Variants in DTL observed in about 807,000 individuals in gnomAD.
DTL encodes the protein denticleless protein homolog.
In DTL, 46 loss-of-function variants were observed where a neutral mutation model predicts 87.0. The observed-to-expected ratio is 0.53, with a 90% CI of 0.42 to 0.68. DTL has a LOEUF of 0.68. Among genes scored for constraint, DTL ranks in the 30% least tolerant of loss-of-function variants. The probability of loss-of-function intolerance (pLI) is 0.00; values close to 1 mark genes in which losing one functional copy is unlikely to be tolerated. For missense variants in DTL, 737 were observed against 869.4 expected, an observed-to-expected ratio of 0.85 and a Z score of 1.91; for synonymous variants, 308 against 311.2, an observed-to-expected ratio of 0.99 and a Z score of 0.11.
chr1:212,088,534 A>T (rs1327308339), intron 13 of DTL, among the ~76,000 whole-genome samples: 2 of 152,286 alleles, frequency 1.3e-5, no homozygotes, highest in Middle Eastern at 3.4e-3. Context: ...GTGAGAGGAG[A>T]GCTCTGTGGG....
At chr1:212,095,752 G>A (rs1655427396) in intron 13 of DTL, among the ~76,000 whole-genome samples, 1 of 152,110 alleles carries the variant, frequency 6.6e-6, no homozygotes, top group Non-Finnish European at 1.5e-5. Context: ...TTATCTTTTT[G>A]ATATACTGTT....
At chr1:212,069,195 G>C (rs1484065128) in intron 10 of DTL, among the ~76,000 whole-genome samples, 1 of 150,986 alleles carries the variant, frequency 6.6e-6, no homozygotes, top group Non-Finnish European at 1.5e-5. Flanking sequence ...AATAGAATCT[G>C]ATACTTAAAA....
At chr1:212,078,061 T>G (rs948761705) in intron 11 of DTL, 112 bp from the exon 12 acceptor site, 7 of 584,668 alleles carry the variant, frequency 1.2e-5, no homozygotes, top group African/African-American at 1.9e-5. Context: ...GCAGGTCTAG[T>G]GGCCTTTGGT....
Position 212,041,007 on chromosome 1 carries a change from T to C in DTL, c.53-1986T>C, listed in dbSNP as rs116363888. Among the ~76,000 whole-genome samples the C allele has an allele frequency of 3.9e-3, 593 of 152,328 alleles. 4 individuals are homozygous for C. Among genetic ancestry groups the C allele is most frequent in the African/African-American group, 0.013 (544 of 41,564 alleles). ...ATCTGGAAATTGAGTCTCTGAAAACTCTCATGTTCTTGTATACTACTTGGA... is the reference window on the plus strand; with the variant it reads ...ATCTGGAAATTGAGTCTCTGAAAACCCTCATGTTCTTGTATACTACTTGGA... On this transcript the variant is annotated intron_variant, in intron 1 of 14. Coordinates refer to ENST00000366991, the MANE Select transcript of DTL (RefSeq NM_016448.4).
intron 1 of DTL, among the ~76,000 whole-genome samples, chr1:212,041,875 G>C (rs1008422781): frequency 6.6e-6 from 1 of 152,118 alleles, no homozygotes; most frequent in African/African-American, 2.4e-5. Context: ...AAATTATGAC[G>C]TGATGGCCCC....
At chr1:212,066,910 C>T in intron 8 of DTL, 25 bp downstream of exon 8, 1 of 1,576,698 alleles carries the variant, frequency 6.3e-7, no homozygotes, top group Non-Finnish European at 8.7e-7. Flanking sequence ...CTTTTTTCTT[C>T]CGACGAGATC....
At chr1:212,054,049 A>G (rs1240542350) in intron 5 of DTL, among the ~76,000 whole-genome samples, 4 of 152,148 alleles carry the variant, frequency 2.6e-5, no homozygotes, top group African/African-American at 4.8e-5. Context: ...TTAACAGGCA[A>G]TTCACTTGTT....
intron 8 of DTL, among the ~76,000 whole-genome samples, chr1:212,067,251 T>C (rs1654535204): frequency 6.6e-6 from 1 of 152,200 alleles, no homozygotes; most frequent in South Asian, 2.1e-4. Flanking sequence ...GGGTTTTGTC[T>C]TTTTCAGGTT....
intron 13 of DTL, among the ~76,000 whole-genome samples, chr1:212,086,564 A>AT (rs1422068836): frequency 6.6e-6 from 1 of 151,070 alleles, no homozygotes; most frequent in Admixed American, 6.6e-5. Context: ...TAATTTTTGT[A>AT]TTTTTTGTAG....
At chr1:212,058,649 G>T (rs1269903765) in intron 5 of DTL, among the ~76,000 whole-genome samples, 1 of 151,680 alleles carries the variant, frequency 6.6e-6, no homozygotes, top group Non-Finnish European at 1.5e-5. Context: ...AGAAAAGCAA[G>T]AACAAACCAA....
intron 4 of DTL, 38 bp downstream of exon 4, chr1:212,047,250 T>C (rs1667833921): frequency 6.2e-7 from 1 of 1,614,162 alleles, no homozygotes; most frequent in Non-Finnish European, 8.5e-7. Context: ...GGGTAAATAC[T>C]GATAAGGGAG....
intron 7 of DTL, among the ~76,000 whole-genome samples, chr1:212,065,339 C>G (rs1309729258): frequency 6.6e-6 from 1 of 151,726 alleles, no homozygotes; most frequent in Non-Finnish European, 1.5e-5. Context: ...TGCCATTAAG[C>G]AGAAAGTGGT....
intron 13 of DTL, among the ~76,000 whole-genome samples, chr1:212,082,166 T>C (rs1655007272): frequency 6.6e-6 from 1 of 152,108 alleles, no homozygotes; most frequent in Admixed American, 6.5e-5. Context: ...TGAACTTGAT[T>C]TGATGTTTCT....
chr1:212,055,323 G>A (rs1046785078), intron 5 of DTL, among the ~76,000 whole-genome samples: 6 of 152,044 alleles, frequency 3.9e-5, no homozygotes, highest in Admixed American at 1.3e-4. Flanking sequence ...TGATGCTCAC[G>A]GACCCTGAGA....
At chr1:212,102,753 G>C in intron 14 of DTL, 89 bp from the exon 15 acceptor site, 1 of 854,188 alleles carries the variant, frequency 1.2e-6, no homozygotes, top group Non-Finnish European at 1.9e-6. Context: ...TGAAATTTCT[G>C]GCAGCCTAAT....
At chr1:212,065,540 CTA>C (rs974936375) in intron 7 of DTL, among the ~76,000 whole-genome samples, 1 of 151,994 alleles carries the variant, frequency 6.6e-6, no homozygotes, top group African/African-American at 2.4e-5. Context: ...AAAAATCTCT[CTA>C]CACACACAGA....
At chr1:212,082,284 G>T (rs1206569653) in intron 13 of DTL, among the ~76,000 whole-genome samples, 3 of 152,192 alleles carry the variant, frequency 2.0e-5, no homozygotes, top group Admixed American at 6.5e-5. Context: ...ATGGTGGCCT[G>T]ATTGGTGTCA....
intron 1 of DTL, among the ~76,000 whole-genome samples, chr1:212,038,849 G>T (rs967430505): frequency 1.3e-5 from 2 of 152,076 alleles, no homozygotes. Flanking sequence ...TGGGAATATT[G>T]ACATTTTAAA....
rs753383449 is a variant in DTL at position 212,101,029 on chromosome 1, C to T, written c.2039C>T (p.Pro680Leu). 1.2e-5 allele frequency: 19 copies of T among 1,613,586 alleles called. No homozygotes were observed. Among genetic ancestry groups the T allele is most frequent in the Middle Eastern group, 1.6e-4 (1 of 6,082 alleles). Residue 680 changes from proline to leucine, a missense_variant, in exon 14 of 15, where the codon CCG becomes CTG. Physicochemically the swap from Pro to Leu is moderately conservative, Grantham distance 98. Coordinates refer to ENST00000366991, the MANE Select transcript of DTL (RefSeq NM_016448.4). ...GCTGAGAATCCATCTCCACGAAGTCCGTCATCCCAGACACCCAATTCCAGG... is the reference window on the plus strand; with the variant it reads ...GCTGAGAATCCATCTCCACGAAGTCTGTCATCCCAGACACCCAATTCCAGG... ...RKAENPSPRS[P>L]SSQTPNSRRQ...
Sources: allele counts gnomAD v4.1 joint callset (sites outside exome capture counted in the v4.1 genomes callset), GRCh38; gene constraint gnomAD v4.1.1; transcripts MANE v1.5; gene names NCBI Gene and HGNC (gene_info 2026-07-23, HGNC 2026-07-21).